The following MERTK variants were observed in gnomAD, a reference collection of about 807,000 sequenced individuals.
MERTK encodes the protein MER proto-oncogene, tyrosine kinase.
MERTK carries 69 observed loss-of-function variants against 99.3 expected under a neutral mutation model. That is an observed-to-expected ratio of 0.70 (90% confidence interval 0.57 to 0.85). The LOEUF (loss-of-function observed/expected upper bound fraction) is 0.85, where lower values mean the gene tolerates loss of function less well. Ranked by LOEUF, MERTK falls within the 40% of genes least tolerant of loss-of-function variation. The pLI, the probability that MERTK is intolerant of heterozygous loss-of-function variation, is 0.00. For missense variants in MERTK, 1,125 were observed against 1,249.4 expected (o/e 0.90, Z 1.50); for synonymous variants, 426 against 467.6 (o/e 0.91, Z 1.15).
In MERTK at chr2:112,028,840, A is replaced by G; in HGVS notation, c.2976A>G (p.Ser992=). The G allele has an allele frequency of 1.2e-6, 2 of 1,613,966 alleles. No homozygotes were observed. The highest frequency in any genetic ancestry group is 1.7e-6 in the Non-Finnish European group (2 of 1,180,034). ...PDELLFADDS[S]EGSEVLM is the part of the protein sequence containing the mutation. Reference sequence around the variant, plus strand: ...AACTTTTGTTTGCTGACGACTCCTCAGAAGGCTCAGAAGTCCTGATGTGAG... The same window carrying G: ...AACTTTTGTTTGCTGACGACTCCTCGGAAGGCTCAGAAGTCCTGATGTGAG... Residue 992 remains serine, a synonymous_variant, in exon 19 of 19, where the codon TCA becomes TCG. Coordinates refer to ENST00000295408, the MANE Select transcript of MERTK (RefSeq NM_006343.3).
At position 112,028,922 on chromosome 2, in the gene MERTK, C is replaced by A. The variant is rs867305422; in HGVS notation, c.*58C>A. The A allele has an allele frequency of 5.2e-5, 83 of 1,610,220 alleles. No homozygotes were observed. The Middle Eastern group carries it at 9.9e-4, about 19-fold the overall frequency. ...GCCAATTCTTCTGCTGTAGGAGAAT[C>A]CAATTGTACCTGATGTTTTTGGTAT... On this transcript the variant is annotated 3_prime_UTR_variant, in exon 19 of 19. Coordinates refer to ENST00000295408, the MANE Select transcript of MERTK (RefSeq NM_006343.3).
At chr2:111,938,728 A>G (rs746995707) in intron 2 of MERTK, among the ~76,000 whole-genome samples, 1 of 152,094 alleles carries the variant, frequency 6.6e-6, no homozygotes, top group Non-Finnish European at 1.5e-5. Context: ...TGAGATTTTT[A>G]TACCATTTTT....
intron 9 of MERTK, chr2:111,994,684 T>G: frequency 2.3e-6 from 1 of 433,824 alleles, no homozygotes; most frequent in Non-Finnish European, 4.4e-6. Context: ...GAGGCTGAGG[T>G]GGGAGAAGTG....
At chr2:111,999,188 CTT>C (rs2104403455) in intron 10 of MERTK, among the ~76,000 whole-genome samples, 1 of 152,236 alleles carries the variant, frequency 6.6e-6, no homozygotes, top group Admixed American at 6.5e-5. Context: ...CCTAAGGTAA[CTT>C]GAGATTAAAT....
At chr2:111,977,595 T>A (rs1676279702) in intron 7 of MERTK, among the ~76,000 whole-genome samples, 1 of 152,218 alleles carries the variant, frequency 6.6e-6, no homozygotes, top group East Asian at 1.9e-4. Context: ...ATTTGTTGTT[T>A]ACATCAAATT....
intron 1 of MERTK, among the ~76,000 whole-genome samples, chr2:111,904,662 C>T (rs1684105298): frequency 6.6e-6 from 1 of 152,218 alleles, no homozygotes; most frequent in South Asian, 2.1e-4. Context: ...GAGTGAACCA[C>T]CTCACCCAGC....
Position 111,982,983 on chromosome 2 carries a change from C to T in MERTK, c.1286C>T (p.Ala429Val), listed in dbSNP as rs374989199. 99 of 1,613,660 alleles carry T rather than the reference C, an allele frequency of 6.1e-5. No homozygotes were observed. The highest frequency in any genetic ancestry group is 8.3e-5 in the Non-Finnish European group (98 of 1,179,942). ...GYRISHVWQSAGISKELLEEV... is the reference protein window; with the variant it reads ...GYRISHVWQSVGISKELLEEV... ...CGGATATCCCACGTGTGGCAGAGTG[C>T]AGGGATTTCCGTAAGTCTAAACCCT... The change falls in exon 8 of 19, where the codon GCA becomes GTA. Residue 429 changes from alanine (A) to valine (V), a missense_variant. Ala to Val is a moderately conservative substitution (Grantham distance 64, BLOSUM62 0). Transcript: ENST00000295408.
At chr2:112,008,080 A>G (rs1223065273) in intron 13 of MERTK, among the ~76,000 whole-genome samples, 2 of 152,174 alleles carry the variant, frequency 1.3e-5, no homozygotes, top group Non-Finnish European at 2.9e-5. Flanking sequence ...ATTTTACATT[A>G]GGGTTCACTC....
intron 1 of MERTK, among the ~76,000 whole-genome samples, chr2:111,919,758 C>T (rs1423283945): frequency 4.6e-5 from 7 of 151,374 alleles, no homozygotes; most frequent in African/African-American, 1.7e-4. Flanking sequence ...AGAGAGGTAC[C>T]TCTGCTCATT....
At chr2:111,926,559 T>G (rs1358268803) in intron 1 of MERTK, among the ~76,000 whole-genome samples, 1 of 152,158 alleles carries the variant, frequency 6.6e-6, no homozygotes, top group African/African-American at 2.4e-5. Flanking sequence ...AAACCCCGTC[T>G]CTACTAAAAA....
At chr2:111,994,204 G>T in intron 8 of MERTK, 47 bp from the exon 9 acceptor site, 1 of 1,609,858 alleles carries the variant, frequency 6.2e-7, no homozygotes, top group South Asian at 1.1e-5. Flanking sequence ...CCTGCAGTTT[G>T]CCCAGACCTC....
At chr2:111,961,156 CT>C (rs1052197732) in intron 4 of MERTK, among the ~76,000 whole-genome samples, 6,936 of 98,154 alleles carry the variant, frequency 0.071, 61 homozygotes, top group Non-Finnish European at 0.084. Flanking sequence ...AATTTTCTTT[CT>C]TTTTTTTTTT....
intron 1 of MERTK, among the ~76,000 whole-genome samples, chr2:111,922,673 C>A (rs1684487331): frequency 6.6e-6 from 1 of 152,248 alleles, no homozygotes; most frequent in Non-Finnish European, 1.5e-5. Flanking sequence ...TCAGCTCCTA[C>A]TGCTGAGATC....
At chr2:111,898,874 C>G (rs769741322) in intron 1 of MERTK, 78 bp downstream of exon 1, 87 of 1,428,922 alleles carry the variant, frequency 6.1e-5, no homozygotes, top group Non-Finnish European at 7.8e-5. Context: ...GGAGGGAGCG[C>G]GTCCACAGGG....
chr2:111,992,695 G>T (rs1181385341), intron 8 of MERTK, among the ~76,000 whole-genome samples: 3 of 148,460 alleles, frequency 2.0e-5, no homozygotes, highest in East Asian at 3.9e-4. Context: ...AGGTTGCAGT[G>T]AGCTGAGATA....
At chr2:112,016,092 T>A (rs1677210270) in intron 15 of MERTK, among the ~76,000 whole-genome samples, 1 of 152,226 alleles carries the variant, frequency 6.6e-6, no homozygotes, top group Non-Finnish European at 1.5e-5. Context: ...TCACCCAGTG[T>A]GATTCTTCCT....
intron 4 of MERTK, 55 bp from the exon 5 acceptor site, chr2:111,965,136 G>A: frequency 8.1e-6 from 12 of 1,487,476 alleles, no homozygotes; most frequent in Non-Finnish European, 7.5e-6. Flanking sequence ...TAGAATTGTA[G>A]TGAACAGCAG....
At chr2:111,965,159 C>G in intron 4 of MERTK, 32 bp from the exon 5 acceptor site, 3 of 1,589,106 alleles carry the variant, frequency 1.9e-6, no homozygotes, top group Non-Finnish European at 2.6e-6. Flanking sequence ...TGTTTCTCTG[C>G]TGCTGGTCTC....
intron 4 of MERTK, among the ~76,000 whole-genome samples, chr2:111,956,892 A>G (rs1280943213): frequency 1.3e-5 from 2 of 149,834 alleles, no homozygotes; most frequent in African/African-American, 4.9e-5. Context: ...CCCATTTTAC[A>G]TATTAGAAAA....
Sources: allele counts gnomAD v4.1 joint callset (sites outside exome capture counted in the v4.1 genomes callset), GRCh38; gene constraint gnomAD v4.1.1; transcripts MANE v1.5; gene names NCBI Gene and HGNC (gene_info 2026-07-23, HGNC 2026-07-21).